The following DPP10 variants were observed in gnomAD, a reference collection of about 807,000 sequenced individuals.
DPP10 encodes the protein dipeptidyl peptidase like 10.
Under a neutral mutation model 120.9 loss-of-function variants are expected in DPP10, and 33 were observed. The ratio of observed to expected loss-of-function variants is 0.27; its 90% CI spans 0.21 to 0.37. DPP10 has a LOEUF of 0.37. Among genes scored for constraint, DPP10 ranks in the 10% least tolerant of loss-of-function variants. The pLI is 1.00. For synonymous variants in DPP10, 337 were observed against 326.1 expected (o/e 1.03, Z -0.36); for missense variants, 816 against 942.8 (o/e 0.87, Z 1.76).
At chr2:115,494,202 C>A (rs1473640993) in intron 3 of DPP10, among the ~76,000 whole-genome samples, 1 of 152,100 alleles carries the variant, frequency 6.6e-6, no homozygotes, top group African/African-American at 2.4e-5. Context: ...CTCGACCTCC[C>A]AAAATGCTGG....
chr2:115,810,831 G>A (rs1031222029), intron 19 of DPP10, among the ~76,000 whole-genome samples: 2 of 152,132 alleles, frequency 1.3e-5, no homozygotes, highest in African/African-American at 4.8e-5. Flanking sequence ...AAGCAAAATT[G>A]TGTAGAAGGC....
intron 1 of DPP10, among the ~76,000 whole-genome samples, chr2:115,142,478 T>G (rs1573765267): frequency 6.6e-6 from 1 of 152,102 alleles, no homozygotes; most frequent in East Asian, 1.9e-4. Flanking sequence ...AAGCCAACAT[T>G]GCTGGTCTAA....
In DPP10 at chr2:114,442,708, T is replaced by C. The variant is rs907991142; in HGVS notation, c.-71T>C. Reference sequence around the variant, plus strand: ...AGCAGCAGCCCCTACTGAAGTCCAATAGAGGAGACTTGATCTCTAGTTCAT... The same window carrying C: ...AGCAGCAGCCCCTACTGAAGTCCAACAGAGGAGACTTGATCTCTAGTTCAT... On this transcript the variant is annotated 5_prime_UTR_variant, in exon 1 of 26. Coordinates refer to ENST00000410059, the MANE Select transcript of DPP10 (RefSeq NM_020868.6). 1.3e-6 allele frequency: 2 copies of C among 1,583,842 alleles called. No homozygotes were observed. The highest frequency in any genetic ancestry group is 1.7e-4 in the Middle Eastern group (1 of 5,996).
chr2:114,474,063 T>C (rs2104630753), intron 1 of DPP10, among the ~76,000 whole-genome samples: 1 of 152,302 alleles, frequency 6.6e-6, no homozygotes, highest in African/African-American at 2.4e-5. Context: ...GTTCAAGCTA[T>C]TCTCCCGCCT....
intron 5 of DPP10, among the ~76,000 whole-genome samples, chr2:115,604,845 T>C (rs2083595012): frequency 6.6e-6 from 1 of 152,206 alleles, no homozygotes; most frequent in Admixed American, 6.5e-5. Flanking sequence ...TTAGGTCATT[T>C]AAAGTCTGCA....
At chr2:115,218,754 G>T (rs1252345721) in intron 1 of DPP10, among the ~76,000 whole-genome samples, 1 of 152,048 alleles carries the variant, frequency 6.6e-6, no homozygotes, top group Admixed American at 6.6e-5. Context: ...CTAACATTTG[G>T]TTCTCTGATG....
rs116413827 is a variant in DPP10, at chr2:114,627,014, C to T, written c.60+184176C>T. On this transcript the variant is annotated intron_variant, in intron 1 of 25. Coordinates refer to ENST00000410059, the MANE Select transcript of DPP10 (RefSeq NM_020868.6). Reference sequence around the variant, plus strand: ...ACCGTAAAATATTTAGGCAGTTTTCCCTTTTCTTTTTTTTCTGTTACAATT... The same window carrying T: ...ACCGTAAAATATTTAGGCAGTTTTCTCTTTTCTTTTTTTTCTGTTACAATT... Among the ~76,000 whole-genome samples the T allele has an allele frequency of 5.5e-3, 833 of 152,036 alleles. 11 individuals carry two copies. Among genetic ancestry groups the T allele is most frequent in the African/African-American group, 0.019 (794 of 41,482 alleles).
intron 1 of DPP10, among the ~76,000 whole-genome samples, chr2:115,276,382 A>G (rs2059923381): frequency 6.6e-6 from 1 of 152,156 alleles, no homozygotes; most frequent in Non-Finnish European, 1.5e-5. Flanking sequence ...CAGAAAACAC[A>G]TTATATGGGC....
chr2:115,784,221 A>C (rs1683090753), intron 17 of DPP10, among the ~76,000 whole-genome samples: 1 of 152,230 alleles, frequency 6.6e-6, no homozygotes, highest in Non-Finnish European at 1.5e-5. Flanking sequence ...TTAGGGAGAT[A>C]AAATTTATAG....
chr2:114,914,979 A>C (rs1465344843), intron 1 of DPP10, among the ~76,000 whole-genome samples: 3 of 152,094 alleles, frequency 2.0e-5, no homozygotes, highest in Non-Finnish European at 4.4e-5. Context: ...AAAATACAAA[A>C]AATTAGCCGG....
chr2:115,223,409 T>C (rs2057275850), intron 1 of DPP10, among the ~76,000 whole-genome samples: 1 of 152,134 alleles, frequency 6.6e-6, no homozygotes, highest in Admixed American at 6.6e-5. Flanking sequence ...GGCAAGTAAT[T>C]TAAATTCTGA....
intron 1 of DPP10, among the ~76,000 whole-genome samples, chr2:115,243,691 CA>C (rs1244409892): frequency 6.6e-6 from 1 of 151,896 alleles, no homozygotes; most frequent in Non-Finnish European, 1.5e-5. Context: ...GTATTTGACT[CA>C]TACAAATCTG....
chr2:115,315,557 G>T (rs907224393), intron 2 of DPP10, among the ~76,000 whole-genome samples: 4 of 152,080 alleles, frequency 2.6e-5, no homozygotes, highest in Non-Finnish European at 5.9e-5. Flanking sequence ...AAATGTCAAA[G>T]CAATGATTAA....
chr2:115,227,314 A>G (rs2057483197), intron 1 of DPP10, among the ~76,000 whole-genome samples: 1 of 152,158 alleles, frequency 6.6e-6, no homozygotes, highest in Non-Finnish European at 1.5e-5. Flanking sequence ...AGTGAGGTCC[A>G]TTTTCAGAGT....
intron 1 of DPP10, among the ~76,000 whole-genome samples, chr2:115,210,584 G>A (rs2056445821): frequency 6.6e-6 from 1 of 152,096 alleles, no homozygotes. Flanking sequence ...GATCCTTGAG[G>A]AATCGCCACA....
At chr2:115,814,710 A>G (rs1575864509) in intron 19 of DPP10, 83 bp from the exon 20 acceptor site, 5 of 1,124,258 alleles carry the variant, frequency 4.4e-6, no homozygotes, top group Admixed American at 2.5e-5. Context: ...CTTTCCCATT[A>G]CTTAACTTGT....
intron 17 of DPP10, among the ~76,000 whole-genome samples, chr2:115,789,322 G>A (rs6740683): frequency 0.97 from 147,299 of 152,292 alleles, 71,449 homozygotes; most frequent in East Asian, 1. Flanking sequence ...CAAAGATTCT[G>A]TGTTTGCTAT....
intron 21 of DPP10, among the ~76,000 whole-genome samples, chr2:115,835,469 G>A (rs1454067956): frequency 6.6e-5 from 10 of 152,086 alleles, no homozygotes; most frequent in Admixed American, 5.2e-4. Context: ...GAGAGAGAGA[G>A]ACCCTTGAAA....
chr2:114,466,096 A>G (rs1665982486), intron 1 of DPP10, among the ~76,000 whole-genome samples: 2 of 152,164 alleles, frequency 1.3e-5, no homozygotes, highest in African/African-American at 4.8e-5. Flanking sequence ...CCACAAATTC[A>G]TCTATAAATT....
Sources: gnomAD v4.1 joint callset for allele counts (sites outside exome capture counted in the v4.1 genomes callset) on GRCh38, gnomAD v4.1.1 for gene constraint, MANE v1.5 for transcripts, NCBI Gene and HGNC (gene_info 2026-07-23, HGNC 2026-07-21) for gene names.